The following PHTF1 variants were observed in gnomAD, a reference collection of about 807,000 sequenced individuals.
PHTF1 encodes the protein protein PHTF1.
A neutral mutation model predicts 102.4 loss-of-function variants in PHTF1; 88 were observed. That is an observed-to-expected ratio of 0.86 (90% CI 0.72 to 1.03). The LOEUF (loss-of-function observed/expected upper bound fraction) is 1.03. PHTF1 is among the 50% of genes least tolerant of loss of function. PHTF1 has a pLI of 0.00. For synonymous variants in PHTF1, 289 were observed against 305.2 expected, an observed-to-expected ratio of 0.95 and a Z score of 0.55; for missense variants, 814 against 909.5, an observed-to-expected ratio of 0.89 and a Z score of 1.35.
chr1:113,699,737 G>C lies in PHTF1; in HGVS notation c.2109C>G (p.Asn703Lys). The C allele has an allele frequency of 6.8e-7, 1 of 1,463,340 alleles. No individual in the cohort carries two copies. Among genetic ancestry groups the C allele is most frequent in the East Asian group, 2.3e-5 (1 of 43,740 alleles). The allele number at this position is 1,463,340 out of a possible 1,614,324, so 90.6% of individuals were successfully genotyped here. ...PNKKEQLTLV[N>K]NVLKLSTKLL... is the part of the protein sequence containing the mutation. ...ACTTGGTGGACAGCTTTAATACATT[G>C]TTTACTAGAGTAAGCTGTTCTTTCT... Residue 703 changes from asparagine to lysine, a missense_variant, in exon 17 of 19, where the codon AAC (asparagine) becomes AAG (lysine). Physicochemically the swap from Asn to Lys is moderately conservative, Grantham distance 94. Transcript: ENST00000369604.
chr1:113,746,884 C>A, intron 3 of PHTF1: 1 of 815,120 alleles, frequency 1.2e-6, no homozygotes, highest in Non-Finnish European at 1.5e-6. Context: ...CTAGCTATTT[C>A]TTCTCTTTAC....
intron 7 of PHTF1, chr1:113,714,718 C>T (rs1326923460): frequency 1.3e-5 from 2 of 152,262 alleles, no homozygotes; most frequent in East Asian, 3.9e-4. Flanking sequence ...AAAGGAAGGA[C>T]ATAAGCCTGG....
intron 7 of PHTF1, among the ~76,000 whole-genome samples, chr1:113,720,780 C>G (rs1245390277): frequency 6.6e-6 from 1 of 152,214 alleles, no homozygotes; most frequent in Non-Finnish European, 1.5e-5. Context: ...GTGCCCACCC[C>G]ACATTTCCCT....
chr1:113,720,312 TAAAG>T (rs59495323), intron 7 of PHTF1, among the ~76,000 whole-genome samples: 1,851 of 152,200 alleles, frequency 0.012, 47 homozygotes, highest in African/African-American at 0.043. Context: ...TTATTAGAGT[TAAAG>T]AGAGAGACAG....
chr1:113,727,688 T>C (rs1214210518), intron 5 of PHTF1, among the ~76,000 whole-genome samples: 1 of 152,198 alleles, frequency 6.6e-6, no homozygotes, highest in Non-Finnish European at 1.5e-5. Context: ...GGTTGGCGGC[T>C]GGGCATGGTG....
chr1:113,698,415 G>T, intron 17 of PHTF1, 28 bp from the exon 18 acceptor site: 1 of 1,606,362 alleles, frequency 6.2e-7, no homozygotes, highest in South Asian at 1.1e-5. Flanking sequence ...GAATTGAAAT[G>T]AGATACATGT....
intron 8 of PHTF1, among the ~76,000 whole-genome samples, chr1:113,712,604 C>G (rs1651300607): frequency 6.6e-6 from 1 of 152,106 alleles, no homozygotes; most frequent in Non-Finnish European, 1.5e-5. Context: ...CAGTTTAAGA[C>G]TATAAAAGTG....
At chr1:113,732,350 G>C (rs954738535) in intron 5 of PHTF1, among the ~76,000 whole-genome samples, 1 of 152,142 alleles carries the variant, frequency 6.6e-6, no homozygotes, top group Non-Finnish European at 1.5e-5. Flanking sequence ...ACTAAGATTT[G>C]TTGGGCGTAG....
intron 6 of PHTF1, 66 bp downstream of exon 6, chr1:113,726,352 G>C (rs1037002080): frequency 6.6e-6 from 8 of 1,212,638 alleles, no homozygotes; most frequent in East Asian, 5.1e-5. Context: ...TTAATCAAAG[G>C]TTTTATAAAT....
chr1:113,723,630 GTTAA>G (rs1163618817), intron 7 of PHTF1, among the ~76,000 whole-genome samples: 6 of 152,128 alleles, frequency 3.9e-5, no homozygotes, highest in Non-Finnish European at 8.8e-5. Flanking sequence ...TCAAATAAAA[GTTAA>G]TTAAAGAACT....
At chr1:113,738,021 G>C in intron 5 of PHTF1, 89 bp downstream of exon 5, 1 of 889,256 alleles carries the variant, frequency 1.1e-6, no homozygotes, top group Non-Finnish European at 1.8e-6. Context: ...CAAATGAAAG[G>C]GTAAATGTAA....
At chr1:113,742,187 C>T (rs1288809214) in intron 3 of PHTF1, among the ~76,000 whole-genome samples, 1 of 152,154 alleles carries the variant, frequency 6.6e-6, no homozygotes, top group Non-Finnish European at 1.5e-5. Flanking sequence ...GATGGTAAAG[C>T]TTACTACACA....
intron 17 of PHTF1, 33 bp from the exon 18 acceptor site, chr1:113,698,420 A>G: frequency 6.2e-7 from 1 of 1,603,460 alleles, no homozygotes; most frequent in East Asian, 2.2e-5. Flanking sequence ...GAAATGAGAT[A>G]CATGTTTTCT....
chr1:113,743,351 T>A (rs1169651303), intron 3 of PHTF1, among the ~76,000 whole-genome samples: 1 of 152,120 alleles, frequency 6.6e-6, no homozygotes, highest in African/African-American at 2.4e-5. Flanking sequence ...CTTGTCCTAC[T>A]GTAGGGTCTT....
In PHTF1 at chr1:113,696,959, C is replaced by T. The variant is rs1648882963; in HGVS notation, c.*746G>A. On this transcript the variant is annotated 3_prime_UTR_variant, in exon 19 of 19. Coordinates refer to ENST00000369604, the MANE Select transcript of PHTF1 (RefSeq NM_001323043.2). ...TCAGATGATCTATATGGAAACAATG[C>T]TTCCATGGCTTCCACATAGAACGTG... 1 of 152,162 alleles carries T rather than the reference C, an allele frequency of 6.6e-6. No homozygotes were observed. Among genetic ancestry groups the T allele is most frequent in the South Asian group, 2.1e-4 (1 of 4,826 alleles). 9.4% of individuals were successfully genotyped at this position (152,162 alleles called of 1,614,324 possible).
intron 1 of PHTF1, 34 bp downstream of exon 1, chr1:113,758,989 C>T (rs1168782393): frequency 9.2e-7 from 1 of 1,090,670 alleles, no homozygotes; most frequent in Non-Finnish European, 1.1e-6. Context: ...CGCCCGGCAC[C>T]CGCCTCCTTC....
intron 17 of PHTF1, 150 bp downstream of exon 17, chr1:113,699,554 C>T: frequency 1.5e-6 from 1 of 668,312 alleles, no homozygotes; most frequent in Non-Finnish European, 2.7e-6. Context: ...CTAACCACCA[C>T]TGTGACCCCT....
intron 4 of PHTF1, 71 bp downstream of exon 4, chr1:113,738,659 A>C: frequency 1.1e-6 from 1 of 878,294 alleles, no homozygotes; most frequent in Non-Finnish European, 1.8e-6. Flanking sequence ...TCATATAGAG[A>C]AGATATTGAA....
chr1:113,753,586 C>T (rs1424847537), intron 3 of PHTF1, among the ~76,000 whole-genome samples: 1 of 152,130 alleles, frequency 6.6e-6, no homozygotes, highest in Non-Finnish European at 1.5e-5. Flanking sequence ...TGTCACCATG[C>T]CCAGCTAATT....
Sources: allele counts gnomAD v4.1 joint callset (sites outside exome capture counted in the v4.1 genomes callset), GRCh38; gene constraint gnomAD v4.1.1; transcripts MANE v1.5; gene names NCBI Gene and HGNC (gene_info 2026-07-23, HGNC 2026-07-21).